The following NOS1AP variants were observed in gnomAD, a reference collection of about 807,000 sequenced individuals.
NOS1AP encodes the protein carboxyl-terminal PDZ ligand of neuronal nitric oxide synthase protein.
NOS1AP carries 21 observed loss-of-function variants against 56.2 expected under a neutral mutation model. The observed-to-expected ratio is 0.37, with a 90% CI of 0.26 to 0.54. The LOEUF (loss-of-function observed/expected upper bound fraction) is 0.54. NOS1AP is among the 20% of genes least tolerant of loss of function. The pLI, the probability that NOS1AP is intolerant of heterozygous loss-of-function variation, is 0.84. For missense variants in NOS1AP, 522 were observed against 657.8 expected (o/e 0.79, Z 2.26); for synonymous variants, 270 against 274.6 (o/e 0.98, Z 0.17).
At chr1:162,147,666 A>T (rs1367316421) in intron 1 of NOS1AP, among the ~76,000 whole-genome samples, 1 of 152,198 alleles carries the variant, frequency 6.6e-6, no homozygotes, top group African/African-American at 2.4e-5. Flanking sequence ...AGAAACTTAT[A>T]AAAAAATTTG....
At chr1:162,113,786 T>G (rs79674347) in intron 1 of NOS1AP, among the ~76,000 whole-genome samples, 4,626 of 152,174 alleles carry the variant, frequency 0.03, 222 homozygotes, top group African/African-American at 0.1. Flanking sequence ...TTTGACATAT[T>G]TGGGAGAGGA....
chr1:162,135,207 G>C (rs1047318194), intron 1 of NOS1AP, among the ~76,000 whole-genome samples: 1 of 152,148 alleles, frequency 6.6e-6, no homozygotes, highest in African/African-American at 2.4e-5. Flanking sequence ...TATGTGTACT[G>C]TTAACGTTTA....
chr1:162,322,687 G>A (rs1021793852), intron 4 of NOS1AP, among the ~76,000 whole-genome samples: 6 of 152,134 alleles, frequency 3.9e-5, no homozygotes, highest in African/African-American at 1.4e-4. Flanking sequence ...TCTTACCCAC[G>A]TGTCCCCTGA....
Position 162,355,219 on chromosome 1 carries a change from A to G in NOS1AP, c.628A>G (p.Thr210Ala), listed in dbSNP as rs1326804097. 3 of 1,613,926 alleles carry G rather than the reference A, an allele frequency of 1.9e-6. No individual in the cohort carries two copies. The highest frequency in any genetic ancestry group is 1.7e-6 in the Non-Finnish European group (2 of 1,179,992). ...RQLTGAERAS[T>A]ATAEETDIDA... is the part of the protein sequence containing the mutation. Reference sequence around the variant, plus strand: ...GCTCACTGGAGCCGAGAGGGCCTCCACGGCCACTGCAGAGGAGACTGACAT... The same window carrying G: ...GCTCACTGGAGCCGAGAGGGCCTCCGCGGCCACTGCAGAGGAGACTGACAT... Residue 210 changes from threonine to alanine, a missense_variant, in exon 7 of 10, where the codon ACG becomes GCG. Physicochemically the swap from Thr to Ala is moderately conservative, Grantham distance 58 (BLOSUM62 0). Coordinates refer to ENST00000361897, the MANE Select transcript of NOS1AP (RefSeq NM_014697.3).
At position 162,210,122 on chromosome 1, in the gene NOS1AP, T is replaced by G. The variant is rs2101645740; in HGVS notation, c.177+55646T>G. On this transcript the variant is annotated intron_variant, in intron 2 of 9. Coordinates refer to ENST00000361897, the MANE Select transcript of NOS1AP (RefSeq NM_014697.3). ...GCATACTGCTGTCTGAAAGACTGAT[T>G]ATATGGGAGGGATGGGTGGTAAGGC... 2.6e-5 allele frequency among the ~76,000 whole-genome samples: 4 copies of G among 152,256 alleles called. No individual in the cohort carries two copies. In the Middle Eastern group the frequency reaches 0.014, roughly 518 times the overall value.
intron 2 of NOS1AP, among the ~76,000 whole-genome samples, chr1:162,185,217 C>A (rs554535056): frequency 2.6e-5 from 4 of 152,238 alleles, no homozygotes; most frequent in African/African-American, 9.6e-5. Context: ...CCAGGATAAT[C>A]TCTCCATCTG....
At chr1:162,327,364 T>A (rs1656625105) in intron 4 of NOS1AP, among the ~76,000 whole-genome samples, 1 of 152,182 alleles carries the variant, frequency 6.6e-6, no homozygotes, top group Admixed American at 6.5e-5. Context: ...TGCAAAATAG[T>A]GATTGGTCAT....
intron 2 of NOS1AP, among the ~76,000 whole-genome samples, chr1:162,213,539 C>T (rs1254836929): frequency 6.6e-6 from 1 of 152,206 alleles, no homozygotes; most frequent in Non-Finnish European, 1.5e-5. Context: ...TATTTTCTGT[C>T]CTCACTGTTG....
intron 1 of NOS1AP, among the ~76,000 whole-genome samples, chr1:162,081,774 A>AGATATATATTTTTTTTTTTTT (rs1380820778): frequency 2.3e-5 from 1 of 44,060 alleles, no homozygotes; most frequent in Non-Finnish European, 4.6e-5. Context: ...ATATATATAT[A>AGATATATATTTTTTTTTTTTT]TTTTTTTTTT....
At chr1:162,234,018 A>G (rs890755231) in intron 2 of NOS1AP, among the ~76,000 whole-genome samples, 4 of 152,368 alleles carry the variant, frequency 2.6e-5, no homozygotes, top group African/African-American at 7.2e-5. Flanking sequence ...ATGAAGATGA[A>G]TAAGACATGG....
At chr1:162,352,336 G>C (rs1190851726) in intron 6 of NOS1AP, among the ~76,000 whole-genome samples, 1 of 150,792 alleles carries the variant, frequency 6.6e-6, no homozygotes. Flanking sequence ...TGGAATTATA[G>C]GCGTGAGCCA....
rs138572328 is a variant in NOS1AP, at chr1:162,072,059, C to CAGATAGATAGATAGAT, written c.105+1817_105+1832dup. 4.3e-3 allele frequency among the ~76,000 whole-genome samples: 604 copies of CAGATAGATAGATAGAT among 141,704 alleles called. 1 individual carries two copies. Among genetic ancestry groups the CAGATAGATAGATAGAT allele is most frequent in the East Asian group, 9.6e-3 (45 of 4,702 alleles). The allele number at this position is 141,704 out of a possible 152,430, so 93.0% of individuals were successfully genotyped here. ...TGGGTGACAGAATGAGACCCTGTCT[C>CAGATAGATAGATAGAT]AGATAGATAGATAGATAGATAGATA... On this transcript the variant is annotated intron_variant, in intron 1 of 9. Transcript: ENST00000361897.
At chr1:162,092,952 A>G (rs545190280) in intron 1 of NOS1AP, among the ~76,000 whole-genome samples, 2 of 152,160 alleles carry the variant, frequency 1.3e-5, no homozygotes, top group South Asian at 4.1e-4. Flanking sequence ...CTTTACTCCT[A>G]TCCTCTATTT....
chr1:162,370,335 C>T lies in NOS1AP; in HGVS notation c.*2868C>T, dbSNP rs1446312391. ...CCTCCTAACCCTCTACCCACTAGCA[C>T]TCTACTTCCTAAAGCTGTTGTGTCA... On this transcript the variant is annotated 3_prime_UTR_variant, in exon 10 of 10. Coordinates refer to ENST00000361897, the MANE Select transcript of NOS1AP (RefSeq NM_014697.3). 1 of 152,188 alleles carries T rather than the reference C, an allele frequency of 6.6e-6. No individual in the cohort carries two copies. The highest frequency in any genetic ancestry group is 2.4e-5 in the African/African-American group (1 of 41,436). 9.4% of individuals were successfully genotyped at this position (152,188 alleles called of 1,614,324 possible).
At chr1:162,167,728 T>C (rs911402609) in intron 2 of NOS1AP, among the ~76,000 whole-genome samples, 2 of 152,228 alleles carry the variant, frequency 1.3e-5, no homozygotes, top group Non-Finnish European at 2.9e-5. Flanking sequence ...TTGTTGACAA[T>C]CATCCCATCC....
At chr1:162,285,470 A>G (rs1436668652) in intron 2 of NOS1AP, among the ~76,000 whole-genome samples, 1 of 152,186 alleles carries the variant, frequency 6.6e-6, no homozygotes, top group African/African-American at 2.4e-5. Flanking sequence ...GGGTGACACA[A>G]TGCAAACTGG....
At chr1:162,338,992 G>A (rs1029997081) in intron 5 of NOS1AP, among the ~76,000 whole-genome samples, 1 of 152,206 alleles carries the variant, frequency 6.6e-6, no homozygotes, top group East Asian at 1.9e-4. Context: ...TTTGGTTCTG[G>A]CTTGAGGGAT....
At chr1:162,089,798 G>GT (rs1293753414) in intron 1 of NOS1AP, among the ~76,000 whole-genome samples, 1 of 152,220 alleles carries the variant, frequency 6.6e-6, no homozygotes, top group Non-Finnish European at 1.5e-5. Flanking sequence ...GCAAGGAATA[G>GT]TTTCTCCTCT....
chr1:162,300,845 A>G (rs980198564), intron 4 of NOS1AP, 139 bp downstream of exon 4: 3 of 718,208 alleles, frequency 4.2e-6, no homozygotes, highest in African/African-American at 3.5e-5. Context: ...TGTTGCTTCC[A>G]TTAGATGTGA....
Sources: allele counts gnomAD v4.1 joint callset (sites outside exome capture counted in the v4.1 genomes callset), GRCh38; gene constraint gnomAD v4.1.1; transcripts MANE v1.5; gene names NCBI Gene and HGNC (gene_info 2026-07-23, HGNC 2026-07-21).